ADAP1: variants seen among roughly 807,000 people sequenced by gnomAD.
The protein encoded by ADAP1 is ArfGAP with dual PH domains 1, also known as arf-GAP with dual PH domain-containing protein 1.
Under a neutral mutation model 54.9 loss-of-function variants are expected in ADAP1, and 31 were observed. The observed-to-expected ratio is 0.56, with a 90% CI of 0.42 to 0.76. The LOEUF (loss-of-function observed/expected upper bound fraction) is 0.76, where lower values mean the gene tolerates loss of function less well. Ranked by LOEUF, ADAP1 falls within the 30% of genes least tolerant of loss-of-function variation. The pLI, the probability that ADAP1 is intolerant of heterozygous loss-of-function variation, is 0.00. For missense variants in ADAP1, 535 were observed against 512.4 expected (o/e 1.04, Z -0.42); for synonymous variants, 313 against 202.6 (o/e 1.55, Z -4.63).
At chr7:949,395 C>T (rs564848967) in intron 1 of ADAP1, among the ~76,000 whole-genome samples, 1 of 152,380 alleles carries the variant, frequency 6.6e-6, no homozygotes, top group East Asian at 1.9e-4. Context: ...ACGGGAGAAG[C>T]AGTTGGGGGA....
At chr7:950,077 G>T (rs1422352039) in intron 1 of ADAP1, among the ~76,000 whole-genome samples, 1 of 152,228 alleles carries the variant, frequency 6.6e-6, no homozygotes, top group Non-Finnish European at 1.5e-5. Flanking sequence ...CACACGCAAT[G>T]TGGTTCATCC....
chr7:935,634 C>A, intron 1 of ADAP1, 129 bp from the exon 2 acceptor site: 1 of 1,240,146 alleles, frequency 8.1e-7, no homozygotes, highest in East Asian at 2.6e-5. Context: ...CCCGGGTACA[C>A]CAGGCTCCGT....
At chr7:907,190 G>A (rs1845504020) in intron 4 of ADAP1, among the ~76,000 whole-genome samples, 2 of 152,162 alleles carry the variant, frequency 1.3e-5, no homozygotes, top group Non-Finnish European at 2.9e-5. Flanking sequence ...CACAGCCACA[G>A]AAAAGTAGCC....
At chr7:917,920 G>A (rs757170779) in intron 4 of ADAP1, among the ~76,000 whole-genome samples, 4 of 151,998 alleles carry the variant, frequency 2.6e-5, no homozygotes, top group African/African-American at 4.8e-5. Context: ...ACAGATGTGC[G>A]CCAACCACGC....
intron 1 of ADAP1, among the ~76,000 whole-genome samples, chr7:949,126 G>A (rs2128112735): frequency 6.6e-6 from 1 of 152,364 alleles, no homozygotes; most frequent in Non-Finnish European, 1.5e-5. Context: ...CGGTCTCCCT[G>A]AGCCCCAGTG....
In ADAP1 at chr7:926,470, C is replaced by CCCA. The variant is rs2128106757; in HGVS notation, c.305+80_305+82dup. ...CGACCCTGTGGGCGGCACCCAACTCCCCACCCTGCCGGGTCCTCCCGGGGC... is the reference window on the plus strand; with the variant it reads ...CGACCCTGTGGGCGGCACCCAACTCCCCACCACCCTGCCGGGTCCTCCCGGGGC... On this transcript the variant is annotated intron_variant, in intron 3 of 10. Coordinates refer to ENST00000265846, the MANE Select transcript of ADAP1 (RefSeq NM_006869.4). The surrounding 1 kb of genome is among the most constrained non-coding windows in gnomAD (Gnocchi z 4.6). The CCCA allele has an allele frequency of 4.0e-6, 5 of 1,249,108 alleles. No individual in the cohort carries two copies. In the East Asian group the frequency reaches 1.6e-4, roughly 41 times the overall value. 77.4% of individuals were successfully genotyped at this position (1,249,108 alleles called of 1,614,324 possible). A position where few individuals can be genotyped will look rare whatever the true frequency, so the allele number is the denominator to read the frequency against.
chr7:929,217 G>A (rs918522730), intron 2 of ADAP1, among the ~76,000 whole-genome samples: 13 of 151,740 alleles, frequency 8.6e-5, no homozygotes, highest in South Asian at 2.1e-4. Flanking sequence ...GCTTGAACCC[G>A]GGAGGCAGAG....
At position 898,528 on chromosome 7, in the gene ADAP1, T is replaced by G. The variant is rs985056487; in HGVS notation, c.*393A>C. On this transcript the variant is annotated 3_prime_UTR_variant, in exon 11 of 11. Coordinates refer to ENST00000265846, the MANE Select transcript of ADAP1 (RefSeq NM_006869.4). ...GGCCCAGTCCCCAGCGGCCGGCAGC[T>G]GCCCACCGTGCTGGCCCCAAGCAGG... 45 of 297,946 alleles carry G rather than the reference T, an allele frequency of 1.5e-4. No individual in the cohort carries two copies. The highest frequency in any genetic ancestry group is 9.3e-4 in the African/African-American group (43 of 46,486). 18.5% of individuals were successfully genotyped at this position (297,946 alleles called of 1,614,324 possible). A position where few individuals can be genotyped will look rare whatever the true frequency, so the allele number is the denominator to read the frequency against.
intron 4 of ADAP1, among the ~76,000 whole-genome samples, chr7:912,769 C>G (rs552046602): frequency 1.3e-5 from 2 of 151,768 alleles, no homozygotes; most frequent in East Asian, 1.9e-4. Flanking sequence ...GGCGCGATCT[C>G]GGCTCCCTGC....
intron 6 of ADAP1, 71 bp from the exon 7 acceptor site, chr7:900,687 G>GGTCCCCACAGAGGGGCTGGA (rs1562905997): frequency 1.1e-5 from 14 of 1,324,770 alleles, no homozygotes; most frequent in African/African-American, 7.3e-5. Context: ...GAGGGGCTGG[G>GGTCCCCACAGAGGGGCTGGA]GTCCCCACAG....
rs980468139 is a variant in ADAP1 at position 931,853 on chromosome 7, C to T, written c.213+3522G>A. ...GGTTCCTGGCCCTTCAACCTCGGTC[C>T]GGTCCTCAGCAACGGCCACCTCAGG... On this transcript the variant is annotated intron_variant, in intron 2 of 10. Coordinates refer to ENST00000265846, the MANE Select transcript of ADAP1 (RefSeq NM_006869.4). Among the ~76,000 whole-genome samples the T allele has an allele frequency of 3.5e-4, 54 of 152,196 alleles. 2 individuals are homozygous for T. The highest frequency in any genetic ancestry group is 1.1e-3 in the African/African-American group (45 of 41,542).
intron 2 of ADAP1, among the ~76,000 whole-genome samples, chr7:934,412 T>G (rs1846682717): frequency 6.6e-6 from 1 of 151,782 alleles, no homozygotes; most frequent in Non-Finnish European, 1.5e-5. Flanking sequence ...GGGTCAATGG[T>G]GCTGGAGAGG....
At chr7:910,452 C>T (rs962196349) in intron 4 of ADAP1, among the ~76,000 whole-genome samples, 3 of 152,200 alleles carry the variant, frequency 2.0e-5, no homozygotes, top group Middle Eastern at 3.4e-3. Flanking sequence ...GAGCTCACTG[C>T]GTTGCCCAGG....
At position 920,972 on chromosome 7, in the gene ADAP1, C is replaced by T. The variant is rs1050791433; in HGVS notation, c.306-922G>A. 176 of 1,101,462 alleles carry T rather than the reference C, an allele frequency of 1.6e-4. No homozygotes were observed. Among genetic ancestry groups the T allele is most frequent in the Non-Finnish European group, 2.2e-4 (165 of 763,710 alleles). The allele number at this position is 1,101,462 out of a possible 1,614,324, so 68.2% of individuals were successfully genotyped here. ...TGGAGACTGGGCGGGAATCCTCGCCCACAGGATCTGATGGGTGATGGGTCC... is the reference window on the plus strand; with the variant it reads ...TGGAGACTGGGCGGGAATCCTCGCCTACAGGATCTGATGGGTGATGGGTCC... On this transcript the variant is annotated intron_variant, in intron 3 of 10. Transcript: ENST00000265846. The surrounding 1 kb of genome is among the most constrained non-coding windows in gnomAD (Gnocchi z 4.5).
chr7:915,231 C>T lies in ADAP1; in HGVS notation c.388+4737G>A, dbSNP rs1845886007. 2.6e-5 allele frequency among the ~76,000 whole-genome samples: 4 copies of T among 152,178 alleles called. 1 individual carries two copies. The South Asian group carries it at 8.3e-4, about 32-fold the overall frequency. On this transcript the variant is annotated intron_variant, in intron 4 of 10. Coordinates refer to ENST00000265846, the MANE Select transcript of ADAP1 (RefSeq NM_006869.4). ...CAAAGGGCCAGCCCTGCACTCACAC[C>T]TGCACACCTCGCCTGTGCATCTCAC...
intron 3 of ADAP1, chr7:923,027 A>G (rs1334566773): frequency 6.6e-6 from 1 of 151,726 alleles, no homozygotes; most frequent in African/African-American, 2.4e-5. Flanking sequence ...GTGGCCCCCA[A>G]TCCAACGTGC....
chr7:933,386 T>G (rs922639658), intron 2 of ADAP1, among the ~76,000 whole-genome samples: 3 of 152,298 alleles, frequency 2.0e-5, no homozygotes, highest in South Asian at 2.1e-4. Context: ...CCAGCTGTGA[T>G]TTCTAACAAG....
upstream of ADAP1, chr7:955,194 G>A (rs1847356747): frequency 9.3e-7 from 1 of 1,070,932 alleles, no homozygotes; most frequent in Admixed American, 2.1e-5. Context: ...CCACAGATGG[G>A]ACCCTCTGGG....
At chr7:901,976 C>T (rs550418717) in intron 6 of ADAP1, among the ~76,000 whole-genome samples, 1 of 152,182 alleles carries the variant, frequency 6.6e-6, no homozygotes, top group South Asian at 2.1e-4. Context: ...TCTGGGGCTC[C>T]GGGCAGACGG....
Sources: gnomAD v4.1 joint callset for allele counts (sites outside exome capture counted in the v4.1 genomes callset) on GRCh38, gnomAD v4.1.1 for gene constraint, Gnocchi (gnomAD v3.1) non-coding constraint, MANE v1.5 for transcripts, NCBI Gene and HGNC (gene_info 2026-07-23, HGNC 2026-07-21) for gene names.